The following ENTHD1 variants were observed in gnomAD, a reference collection of about 807,000 sequenced individuals.
The protein encoded by ENTHD1 is ENTH domain containing 1.
ENTHD1 carries 23 observed loss-of-function variants against 39.1 expected under a neutral mutation model. The observed-to-expected ratio is 0.59, with a 90% confidence interval of 0.42 to 0.83. The LOEUF (loss-of-function observed/expected upper bound fraction) is 0.83, where lower values mean the gene tolerates loss of function less well. Among genes scored for constraint, ENTHD1 ranks in the 40% least tolerant of loss-of-function variants. The pLI is 0.00. For synonymous variants in ENTHD1, 230 were observed against 258.2 expected (o/e 0.89, Z 1.05); for missense variants, 624 against 705.4 (o/e 0.88, Z 1.31).
chr22:39,862,172 G>T (rs1233267618), intron 2 of ENTHD1, among the ~76,000 whole-genome samples, 165 bp from the exon 3 acceptor site: 1 of 151,918 alleles, frequency 6.6e-6, no homozygotes, highest in Non-Finnish European at 1.5e-5. Context: ...TACTTTAAAA[G>T]GTAAATAAGT....
At chr22:39,759,658 C>G (rs1457013442) in intron 6 of ENTHD1, among the ~76,000 whole-genome samples, 1 of 151,884 alleles carries the variant, frequency 6.6e-6, no homozygotes, top group East Asian at 1.9e-4. Flanking sequence ...TAAGTTAGAA[C>G]CTTCTATTAC....
intron 5 of ENTHD1, among the ~76,000 whole-genome samples, chr22:39,790,604 C>G (rs1247456159): frequency 6.6e-6 from 1 of 152,190 alleles, no homozygotes; most frequent in Non-Finnish European, 1.5e-5. Flanking sequence ...CTTGCTTTGA[C>G]CAGCTTGGGG....
intron 5 of ENTHD1, among the ~76,000 whole-genome samples, chr22:39,765,816 C>T (rs1374989284): frequency 6.6e-6 from 1 of 151,884 alleles, no homozygotes; most frequent in East Asian, 1.9e-4. Context: ...ATTTTGGTAG[C>T]TGCCTTCTCC....
chr22:39,762,262 T>C (rs182941136), intron 6 of ENTHD1, among the ~76,000 whole-genome samples: 2 of 152,284 alleles, frequency 1.3e-5, no homozygotes, highest in East Asian at 1.9e-4. Flanking sequence ...GTTTGCCCCT[T>C]CTCAGTCTCC....
intron 6 of ENTHD1, among the ~76,000 whole-genome samples, chr22:39,745,256 G>T (rs1601560576): frequency 6.6e-6 from 1 of 152,086 alleles, no homozygotes; most frequent in African/African-American, 2.4e-5. Context: ...ATACAAATTG[G>T]TGGAATCCAG....
chr22:39,822,186 G>C (rs951281982), intron 4 of ENTHD1, among the ~76,000 whole-genome samples: 2 of 148,176 alleles, frequency 1.3e-5, no homozygotes, highest in Non-Finnish European at 3.0e-5. Context: ...GGGTTTAGCT[G>C]GTATGTCTTT....
At chr22:39,800,262 G>A (rs912042693) in intron 5 of ENTHD1, among the ~76,000 whole-genome samples, 1 of 152,190 alleles carries the variant, frequency 6.6e-6, no homozygotes, top group Non-Finnish European at 1.5e-5. Context: ...GGTGTTTCCT[G>A]TCATTTCTCT....
chr22:39,877,891 C>T (rs1300821036), intron 2 of ENTHD1, among the ~76,000 whole-genome samples: 1 of 152,036 alleles, frequency 6.6e-6, no homozygotes, highest in Non-Finnish European at 1.5e-5. Flanking sequence ...GTATCTCATG[C>T]CCAGCTATCA....
At chr22:39,755,491 G>T (rs2065178173) in intron 6 of ENTHD1, among the ~76,000 whole-genome samples, 2 of 152,154 alleles carry the variant, frequency 1.3e-5, no homozygotes, top group South Asian at 4.1e-4. Flanking sequence ...TTTAAGTTGG[G>T]GAATACTAGT....
intron 3 of ENTHD1, among the ~76,000 whole-genome samples, chr22:39,837,592 T>C (rs941376512): frequency 2.0e-5 from 3 of 152,258 alleles, no homozygotes; most frequent in African/African-American, 7.2e-5. Context: ...TGGGAAAGCA[T>C]GGCATAAATA....
chr22:39,771,541 G>T (rs1421995833), intron 5 of ENTHD1, among the ~76,000 whole-genome samples: 1 of 152,090 alleles, frequency 6.6e-6, no homozygotes, highest in Non-Finnish European at 1.5e-5. Flanking sequence ...TATCATCATA[G>T]TCAAATTGCT....
At chr22:39,773,821 A>G (rs943113260) in intron 5 of ENTHD1, among the ~76,000 whole-genome samples, 3 of 152,246 alleles carry the variant, frequency 2.0e-5, no homozygotes, top group Non-Finnish European at 2.9e-5. Flanking sequence ...GCATTGCTTT[A>G]GGTTTAGAGG....
At chr22:39,778,514 C>A (rs2065383253) in intron 5 of ENTHD1, among the ~76,000 whole-genome samples, 1 of 152,128 alleles carries the variant, frequency 6.6e-6, no homozygotes, top group Non-Finnish European at 1.5e-5. Flanking sequence ...CTTTAAATAT[C>A]ATTTCGATCA....
chr22:39,815,956 G>A (rs2065730476), intron 5 of ENTHD1, among the ~76,000 whole-genome samples: 1 of 152,116 alleles, frequency 6.6e-6, no homozygotes, highest in Non-Finnish European at 1.5e-5. Context: ...AAACTATAAA[G>A]AAAAGCAAGG....
At chr22:39,859,067 A>T (rs1399331536) in intron 3 of ENTHD1, among the ~76,000 whole-genome samples, 3 of 152,190 alleles carry the variant, frequency 2.0e-5, no homozygotes, top group Admixed American at 2.0e-4. Flanking sequence ...TTCACTTTGT[A>T]CTTGTGTGTT....
At chr22:39,792,660 T>C (rs934560257) in intron 5 of ENTHD1, among the ~76,000 whole-genome samples, 4 of 152,146 alleles carry the variant, frequency 2.6e-5, no homozygotes, top group Admixed American at 6.5e-5. Flanking sequence ...GAGGACTGCT[T>C]GAGCCCAGGA....
chr22:39,847,159 G>T (rs2065995544), intron 3 of ENTHD1, among the ~76,000 whole-genome samples: 2 of 151,906 alleles, frequency 1.3e-5, no homozygotes, highest in South Asian at 4.2e-4. Flanking sequence ...AGAAAATGTG[G>T]CACATATACA....
At chr22:39,748,962 T>A (rs2065128038) in intron 6 of ENTHD1, among the ~76,000 whole-genome samples, 1 of 152,170 alleles carries the variant, frequency 6.6e-6, no homozygotes, top group South Asian at 2.1e-4. Flanking sequence ...TGAGGTATGC[T>A]AAAGTCTGGG....
intron 5 of ENTHD1, among the ~76,000 whole-genome samples, chr22:39,789,798 C>A (rs902373331): frequency 2.0e-5 from 3 of 152,042 alleles, no homozygotes; most frequent in African/African-American, 7.2e-5. Flanking sequence ...GAAAACAAAG[C>A]AGCCAAGGGG....
Sources: allele counts gnomAD v4.1 joint callset (sites outside exome capture counted in the v4.1 genomes callset), GRCh38; gene constraint gnomAD v4.1.1; transcripts MANE v1.5; gene names NCBI Gene and HGNC (gene_info 2026-07-23, HGNC 2026-07-21).